SEL1L3: variants seen among roughly 807,000 people sequenced by gnomAD.
SEL1L3 encodes the protein protein sel-1 homolog 3.
Under a neutral mutation model 142.8 loss-of-function variants are expected in SEL1L3, and 76 were observed. The observed-to-expected ratio is 0.53, with a 90% CI of 0.44 to 0.64. SEL1L3 has a LOEUF of 0.64. SEL1L3 is among the 30% of genes least tolerant of loss of function. The pLI is 0.00. For synonymous variants in SEL1L3, 504 were observed against 519.6 expected, an observed-to-expected ratio of 0.97 and a Z score of 0.41; for missense variants, 1,262 against 1,381.7, an observed-to-expected ratio of 0.91 and a Z score of 1.37.
intron 23 of SEL1L3, among the ~76,000 whole-genome samples, chr4:25,751,160 G>T (rs1409728715): frequency 1.3e-5 from 2 of 152,132 alleles, no homozygotes; most frequent in African/African-American, 4.8e-5. Flanking sequence ...GATGGCTCCA[G>T]ACATATACTT....
intron 11 of SEL1L3, among the ~76,000 whole-genome samples, chr4:25,796,180 C>T (rs772759368): frequency 6.6e-6 from 1 of 152,212 alleles, no homozygotes; most frequent in Non-Finnish European, 1.5e-5. Context: ...CACCCAGGAC[C>T]AAGCCCCAGA....
At chr4:25,833,226 C>A in intron 4 of SEL1L3, 116 bp from the exon 5 acceptor site, 2 of 738,360 alleles carry the variant, frequency 2.7e-6, no homozygotes, top group South Asian at 1.7e-5. Context: ...GAAAACAAAG[C>A]AAAACCCAAA....
intron 5 of SEL1L3, 103 bp from the exon 6 acceptor site, chr4:25,830,259 T>C: frequency 1.5e-6 from 1 of 671,222 alleles, no homozygotes; most frequent in Non-Finnish European, 2.6e-6. Flanking sequence ...GGAGAGTCTT[T>C]TACCTGATCA....
intron 13 of SEL1L3, among the ~76,000 whole-genome samples, chr4:25,786,368 C>T (rs1023621270): frequency 3.9e-5 from 6 of 152,142 alleles, no homozygotes; most frequent in African/African-American, 1.4e-4. Flanking sequence ...CTTCCTTCCT[C>T]CCACCCAGAC....
rs1718819117 is a variant in SEL1L3 at position 25,767,396 on chromosome 4, A to G, written c.2845+129T>C. On this transcript the variant is annotated intron_variant, in intron 19 of 23. Transcript: ENST00000399878. The stretch of plus-strand genomic sequence containing the variant: ...AGCAGAGTTTAGCGATCTTAATAGC[A>G]GAGATTTTTCACTTTCTTTTCTAAT... 6.2e-6 allele frequency: 4 copies of G among 647,702 alleles called. No homozygotes were observed. The South Asian group carries it at 7.7e-5, about 12-fold the overall frequency. The allele number at this position is 647,702 out of a possible 1,614,324, so 40.1% of individuals were successfully genotyped here. A position where few individuals can be genotyped will look rare whatever the true frequency, so the allele number is the denominator to read the frequency against.
At chr4:25,764,394 T>C (rs1431797870) in intron 20 of SEL1L3, among the ~76,000 whole-genome samples, 1 of 152,250 alleles carries the variant, frequency 6.6e-6, no homozygotes, top group East Asian at 1.9e-4. Context: ...CCAACATTAA[T>C]ATCTTAGTTT....
the SEL1L3 span, among the ~76,000 whole-genome samples, chr4:25,722,526 C>T: frequency 6.6e-6 from 1 of 152,016 alleles, no homozygotes; most frequent in Non-Finnish European, 1.5e-5. Flanking sequence ...TCAGACATAA[C>T]CAGGTCCACA....
intron 15 of SEL1L3, among the ~76,000 whole-genome samples, chr4:25,779,979 A>G (rs1257390889): frequency 6.6e-6 from 1 of 152,176 alleles, no homozygotes; most frequent in Non-Finnish European, 1.5e-5. Flanking sequence ...GTAAGGATTA[A>G]ATGAGATAAC....
At chr4:25,845,910 C>G (rs1362600763) in intron 2 of SEL1L3, among the ~76,000 whole-genome samples, 1 of 152,130 alleles carries the variant, frequency 6.6e-6, no homozygotes, top group Non-Finnish European at 1.5e-5. Flanking sequence ...CCCACAGGTT[C>G]TCAAGTTTTA....
the SEL1L3 span, among the ~76,000 whole-genome samples, chr4:25,716,096 G>A: frequency 1.3e-5 from 2 of 151,938 alleles, no homozygotes; most frequent in African/African-American, 2.4e-5. Context: ...TATCATAAGA[G>A]GTTAAAAGAC....
chr4:25,765,490 T>G, intron 19 of SEL1L3, 55 bp from the exon 20 acceptor site: 1 of 1,130,988 alleles, frequency 8.8e-7, no homozygotes, highest in East Asian at 2.3e-5. Context: ...TATACCAACA[T>G]TTTAAATTAT....
intron 5 of SEL1L3, among the ~76,000 whole-genome samples, chr4:25,831,796 G>A (rs1715464814): frequency 6.6e-6 from 1 of 152,104 alleles, no homozygotes; most frequent in Non-Finnish European, 1.5e-5. Flanking sequence ...TGGGATTACA[G>A]GCATGAGCCA....
At chr4:25,796,242 C>T (rs968673494) in intron 11 of SEL1L3, among the ~76,000 whole-genome samples, 4 of 152,094 alleles carry the variant, frequency 2.6e-5, no homozygotes, top group Non-Finnish European at 5.9e-5. Context: ...TTCCAGTCAG[C>T]CTGCAGGCCA....
At position 25,757,544 on chromosome 4, in the gene SEL1L3, C is replaced by T. The variant is rs1294200719; in HGVS notation, c.3249G>A (p.Gln1083=). 3.3e-6 allele frequency: 5 copies of T among 1,529,780 alleles called. No homozygotes were observed. Among genetic ancestry groups the T allele is most frequent in the Non-Finnish European group, 4.4e-6 (5 of 1,135,018 alleles). 94.8% of individuals were successfully genotyped at this position (1,529,780 alleles called of 1,614,324 possible). The change falls in exon 23 of 24, where the codon CAG becomes CAA. Residue 1083 remains glutamine, a synonymous_variant. Transcript: ENST00000399878. ...ILIAWTVQYF[Q]SVSASDPPPR... Reference sequence around the variant, plus strand: ...TTTATAAATCTTTACCTGAGACAGACTGGAAATACTGCACAGTCCAGGCGA... The same window carrying T: ...TTTATAAATCTTTACCTGAGACAGATTGGAAATACTGCACAGTCCAGGCGA...
intron 11 of SEL1L3, 69 bp downstream of exon 11, chr4:25,802,214 G>A (rs958222161): frequency 1.4e-6 from 2 of 1,431,940 alleles, no homozygotes; most frequent in Non-Finnish European, 1.9e-6. Context: ...AGCAACCACA[G>A]GGGCAGACAC....
At chr4:25,749,874 A>G (rs1215852964) in intron 23 of SEL1L3, among the ~76,000 whole-genome samples, 2 of 152,368 alleles carry the variant, frequency 1.3e-5, no homozygotes, top group Middle Eastern at 6.8e-3. Flanking sequence ...AAAAAGAGTA[A>G]TATTTCGCGA....
chr4:25,833,254 A>G (rs1715561488), intron 4 of SEL1L3, 144 bp from the exon 5 acceptor site: 2 of 713,338 alleles, frequency 2.8e-6, no homozygotes, highest in East Asian at 5.3e-5. Context: ...TTATAAATGC[A>G]TTTCTTTGTA....
upstream of SEL1L3, chr4:25,863,322 T>C: frequency 2.7e-6 from 1 of 375,836 alleles, no homozygotes; most frequent in Admixed American, 3.7e-5. Context: ...CTCTTCCTTC[T>C]CCCCTCGCGC....
rs117755503 is a variant in SEL1L3 at position 25,836,911 on chromosome 4, C to T, written c.734-1588G>A. Among the ~76,000 whole-genome samples, 10 of 152,148 alleles carry T rather than the reference C, an allele frequency of 6.6e-5. No homozygotes were observed. The East Asian group carries it at 1.9e-3, about 29-fold the overall frequency. ...CTCTGGTTTACTACAATTTGGAAAT[C>T]GTAAGAGCAGTTTTTAGAATCACAG... On this transcript the variant is annotated intron_variant, in intron 2 of 23. Transcript: ENST00000399878.
Sources: allele counts gnomAD v4.1 joint callset (sites outside exome capture counted in the v4.1 genomes callset), GRCh38; gene constraint gnomAD v4.1.1; transcripts MANE v1.5; gene names NCBI Gene and HGNC (gene_info 2026-07-23, HGNC 2026-07-21).